EXOC6: variants seen among roughly 807,000 people sequenced by gnomAD.
The protein encoded by EXOC6 is exocyst complex component 6.
In EXOC6, 60 loss-of-function variants were observed where a neutral mutation model predicts 112.5. That is an observed-to-expected ratio of 0.53 (90% CI 0.43 to 0.66). The LOEUF (loss-of-function observed/expected upper bound fraction) is 0.66, where lower values mean the gene tolerates loss of function less well. Ranked by LOEUF, EXOC6 falls within the 30% of genes least tolerant of loss-of-function variation. The pLI is 0.00. For missense variants in EXOC6, 855 were observed against 957.1 expected (o/e 0.89, Z 1.41); for synonymous variants, 295 against 308.0 (o/e 0.96, Z 0.44).
chr10:92,875,857 TC>T (rs1031472848), intron 1 of EXOC6, among the ~76,000 whole-genome samples: 4 of 152,022 alleles, frequency 2.6e-5, no homozygotes, highest in African/African-American at 9.7e-5. Flanking sequence ...GAAATTTTCA[TC>T]CCTTTTTTAT....
chr10:92,878,314 T>A (rs1389891495), intron 1 of EXOC6: 3 of 152,138 alleles, frequency 2.0e-5, no homozygotes, highest in African/African-American at 7.2e-5. Context: ...GGACATCTCT[T>A]TTTGGTAATG....
chr10:92,932,809 G>A (rs1264855490), intron 9 of EXOC6, among the ~76,000 whole-genome samples: 1 of 151,998 alleles, frequency 6.6e-6, no homozygotes, highest in African/African-American at 2.4e-5. Flanking sequence ...AAAATATTGT[G>A]GACATTAAAA....
chr10:93,021,827 G>A (rs1027606993), intron 20 of EXOC6, among the ~76,000 whole-genome samples: 1 of 152,194 alleles, frequency 6.6e-6, no homozygotes, highest in African/African-American at 2.4e-5. Flanking sequence ...TCTGTTTATA[G>A]AAAGTTTGAA....
At chr10:92,848,655 G>A in intron 1 of EXOC6, 21 bp downstream of exon 1, 1 of 1,346,132 alleles carries the variant, frequency 7.4e-7, no homozygotes, top group Non-Finnish European at 9.7e-7. Context: ...CATCCCACCG[G>A]GACTTCGGCC....
chr10:92,990,235 C>T (rs978308064), intron 18 of EXOC6, among the ~76,000 whole-genome samples: 2 of 151,966 alleles, frequency 1.3e-5, no homozygotes, highest in African/African-American at 2.4e-5. Flanking sequence ...ATTTGTATTT[C>T]GTAACTTTAA....
At chr10:92,862,643 TATAGCAGTCC>T (rs1847965119) in intron 1 of EXOC6, among the ~76,000 whole-genome samples, 3 of 152,278 alleles carry the variant, frequency 2.0e-5, no homozygotes, top group African/African-American at 7.2e-5. Flanking sequence ...AGTATTTAGT[TATAGCAGTCC>T]ATATGGACTG....
At chr10:92,865,530 C>A (rs1184158048) in intron 1 of EXOC6, among the ~76,000 whole-genome samples, 1 of 152,142 alleles carries the variant, frequency 6.6e-6, no homozygotes, top group Non-Finnish European at 1.5e-5. Flanking sequence ...GAGGGAGACG[C>A]CTCCCGGGCT....
intron 4 of EXOC6, among the ~76,000 whole-genome samples, chr10:92,896,119 A>ATGTGTGTGTGTGTG (rs1198813076): frequency 1.8e-4 from 4 of 21,708 alleles, no homozygotes; most frequent in African/African-American, 1.3e-3. Flanking sequence ...GTGTATATAT[A>ATGTGTGTGTGTGTG]TGTGTGTGTG....
chr10:93,046,003 C>T (rs1845986102), intron 20 of EXOC6, among the ~76,000 whole-genome samples: 1 of 152,152 alleles, frequency 6.6e-6, no homozygotes, highest in Non-Finnish European at 1.5e-5. Flanking sequence ...GTCTTAATTA[C>T]TAGTAGTTTA....
intron 20 of EXOC6, among the ~76,000 whole-genome samples, chr10:93,039,483 A>G (rs781061482): frequency 7.9e-5 from 12 of 152,130 alleles, no homozygotes; most frequent in Non-Finnish European, 1.5e-4. Context: ...CTCCCCAGCA[A>G]GTGCCCTTGC....
chr10:92,931,709 A>C (rs1464141397), intron 9 of EXOC6, among the ~76,000 whole-genome samples: 2 of 152,038 alleles, frequency 1.3e-5, no homozygotes, highest in Non-Finnish European at 2.9e-5. Context: ...TTTTTTCGTC[A>C]GGGAAATGCA....
In EXOC6 at chr10:93,058,397, C is replaced by A; in HGVS notation, c.*42C>A. On this transcript the variant is annotated 3_prime_UTR_variant, in exon 22 of 22. Transcript: ENST00000260762. Reference sequence around the variant, plus strand: ...ACTCAGTGACACCAAATCCATGATTCAATGTTGATCTTGAGCAAGTATTGG... The same window carrying A: ...ACTCAGTGACACCAAATCCATGATTAAATGTTGATCTTGAGCAAGTATTGG... The A allele has an allele frequency of 6.5e-7, 1 of 1,527,890 alleles. No homozygotes were observed. The highest frequency in any genetic ancestry group is 8.8e-7 in the Non-Finnish European group (1 of 1,139,544). The allele number at this position is 1,527,890 out of a possible 1,614,324, so 94.6% of individuals were successfully genotyped here.
chr10:92,844,149 CAGAAAAAAAAAAAAA>C (rs1589681704), upstream of EXOC6, among the ~76,000 whole-genome samples: 1 of 63,100 alleles, frequency 1.6e-5, no homozygotes, highest in East Asian at 2.5e-4. Context: ...GACTGTGTCT[CAGAAAAAAAAAAAAA>C]GGAAAAAAAA....
intron 19 of EXOC6, among the ~76,000 whole-genome samples, chr10:93,007,300 T>TAA (rs1844037124): frequency 6.6e-6 from 1 of 151,746 alleles, no homozygotes; most frequent in African/African-American, 2.4e-5. Flanking sequence ...TTTTTTTTTT[T>TAA]TATATATACA....
At chr10:92,852,264 A>G (rs961034905) in intron 1 of EXOC6, among the ~76,000 whole-genome samples, 2 of 152,214 alleles carry the variant, frequency 1.3e-5, no homozygotes, top group Non-Finnish European at 2.9e-5. Flanking sequence ...CTAGGCCCAG[A>G]TAGTTTTACT....
intron 20 of EXOC6, among the ~76,000 whole-genome samples, chr10:93,051,531 T>C (rs903728696): frequency 1.3e-5 from 2 of 152,236 alleles, no homozygotes; most frequent in African/African-American, 2.4e-5. Context: ...TTGCCTATGC[T>C]CCTTCTGACT....
At chr10:92,897,962 C>T (rs569444431) in intron 4 of EXOC6, among the ~76,000 whole-genome samples, 2 of 152,284 alleles carry the variant, frequency 1.3e-5, no homozygotes, top group South Asian at 2.1e-4. Flanking sequence ...GAGACTGTGT[C>T]ATGGGCATGC....
chr10:92,866,618 T>C (rs1383628927), intron 1 of EXOC6, among the ~76,000 whole-genome samples: 1 of 152,148 alleles, frequency 6.6e-6, no homozygotes, highest in Non-Finnish European at 1.5e-5. Context: ...TGAGCGCGAG[T>C]TTACCTTTTC....
chr10:92,881,757 C>T (rs756389914), intron 1 of EXOC6, among the ~76,000 whole-genome samples: 16 of 152,048 alleles, frequency 1.1e-4, no homozygotes, highest in Admixed American at 5.2e-4. Flanking sequence ...TGAGATGGAC[C>T]AGGTGGAGAT....
Sources: allele counts gnomAD v4.1 joint callset (sites outside exome capture counted in the v4.1 genomes callset), GRCh38; gene constraint gnomAD v4.1.1; transcripts MANE v1.5; gene names NCBI Gene and HGNC (gene_info 2026-07-23, HGNC 2026-07-21).